The following RBPMS variants were observed in gnomAD, a reference collection of about 807,000 sequenced individuals.
RBPMS encodes RNA-binding protein with multiple splicing.
A neutral mutation model predicts 26.8 loss-of-function variants in RBPMS; 7 were observed. That is an observed-to-expected ratio of 0.26 (90% CI 0.15 to 0.49). RBPMS has a LOEUF of 0.49. Ranked by LOEUF, RBPMS falls within the 20% of genes least tolerant of loss-of-function variation. RBPMS has a pLI of 0.98. For synonymous variants in RBPMS, 96 were observed against 93.3 expected (o/e 1.03, Z -0.17); for missense variants, 186 against 250.0 (o/e 0.74, Z 1.73).
chr8:30,559,539 G>T (rs960663168), intron 7 of RBPMS, among the ~76,000 whole-genome samples: 1 of 151,824 alleles, frequency 6.6e-6, no homozygotes, highest in Non-Finnish European at 1.5e-5. Flanking sequence ...TTGCTTCAGA[G>T]AACTACCAAA....
rs1585886180 is a variant in RBPMS at position 30,558,953 on chromosome 8, C to G, written c.*4C>G. 1 of 1,613,522 alleles carries G rather than the reference C, an allele frequency of 6.2e-7. No individual in the cohort carries two copies. The highest frequency in any genetic ancestry group is 2.2e-5 in the East Asian group (1 of 44,884). ...GAAGTCCCGTCAGTTCTGCTGAATA[C>G]TATGTAAGTACTCGCTTTCCTTTGG... On this transcript the variant is annotated 3_prime_UTR_variant, in exon 7 of 9. Coordinates refer to ENST00000397323, the MANE Select transcript of RBPMS (RefSeq NM_001008710.3).
intron 5 of RBPMS, among the ~76,000 whole-genome samples, chr8:30,506,157 T>C: frequency 6.6e-6 from 1 of 152,064 alleles, no homozygotes; most frequent in Middle Eastern, 3.2e-3. Context: ...AGGAACAAAC[T>C]GGACATTCAC....
At chr8:30,506,479 C>G (rs1821082467) in intron 5 of RBPMS, among the ~76,000 whole-genome samples, 2 of 152,128 alleles carry the variant, frequency 1.3e-5, no homozygotes, top group African/African-American at 4.8e-5. Context: ...TCAGGTCAAC[C>G]TTATTATCCA....
chr8:30,542,144 A>T (rs1242843305), intron 5 of RBPMS, among the ~76,000 whole-genome samples: 2 of 152,214 alleles, frequency 1.3e-5, no homozygotes, highest in African/African-American at 4.8e-5. Context: ...TGCCTCACTA[A>T]TACGTTACTA....
intron 1 of RBPMS, among the ~76,000 whole-genome samples, chr8:30,432,828 G>A (rs940404444): frequency 4.7e-5 from 7 of 147,614 alleles, no homozygotes; most frequent in Non-Finnish European, 7.4e-5. Context: ...TAAATAAAAC[G>A]ATTCCACATT....
intron 1 of RBPMS, among the ~76,000 whole-genome samples, chr8:30,439,434 A>G (rs932276795): frequency 6.6e-6 from 1 of 152,246 alleles, no homozygotes; most frequent in Non-Finnish European, 1.5e-5. Context: ...TTCATGATTT[A>G]CAAGGAAACC....
chr8:30,418,175 T>C (rs1013082349), intron 1 of RBPMS, among the ~76,000 whole-genome samples: 2 of 152,240 alleles, frequency 1.3e-5, no homozygotes, highest in African/African-American at 4.8e-5. Context: ...AATTGCTCTC[T>C]ACAATTACAT....
intron 1 of RBPMS, among the ~76,000 whole-genome samples, chr8:30,427,476 T>A (rs911813202): frequency 1.3e-5 from 2 of 152,208 alleles, no homozygotes; most frequent in Admixed American, 6.5e-5. Flanking sequence ...TGGAATGCCC[T>A]TCCATTCTTC....
intron 1 of RBPMS, among the ~76,000 whole-genome samples, chr8:30,410,879 G>A (rs576617152): frequency 3.3e-5 from 5 of 152,030 alleles, no homozygotes; most frequent in South Asian, 4.2e-4. Flanking sequence ...AGGACTGCAC[G>A]TGCACACAGC....
intron 5 of RBPMS, among the ~76,000 whole-genome samples, chr8:30,521,746 C>A (rs1024688959): frequency 2.0e-5 from 3 of 152,088 alleles, no homozygotes; most frequent in Non-Finnish European, 4.4e-5. Context: ...CATGTATACA[C>A]CACATTTTCA....
At chr8:30,564,970 C>T (rs182380731) in intron 7 of RBPMS, 10 of 148,350 alleles carry the variant, frequency 6.7e-5, no homozygotes, top group African/African-American at 2.6e-4. Context: ...TAGCTGAAGC[C>T]CAGAGGCTTC....
chr8:30,509,130 C>T (rs1488237280), intron 5 of RBPMS, among the ~76,000 whole-genome samples: 3 of 152,126 alleles, frequency 2.0e-5, no homozygotes, highest in Non-Finnish European at 4.4e-5. Context: ...CTTTTAAAAG[C>T]TCTTTGGGTA....
At chr8:30,412,055 G>C (rs181382962) in intron 1 of RBPMS, among the ~76,000 whole-genome samples, 2 of 152,118 alleles carry the variant, frequency 1.3e-5, no homozygotes, top group East Asian at 3.9e-4. Flanking sequence ...TCCCATAGTA[G>C]GCAAGTGTTT....
At chr8:30,465,168 C>T (rs1010130364) in intron 1 of RBPMS, among the ~76,000 whole-genome samples, 2 of 152,198 alleles carry the variant, frequency 1.3e-5, no homozygotes, top group South Asian at 4.1e-4. Context: ...AAGGATTTGA[C>T]AACCATGTTT....
intron 1 of RBPMS, among the ~76,000 whole-genome samples, chr8:30,442,396 A>T (rs1813190607): frequency 6.6e-6 from 1 of 152,052 alleles, no homozygotes; most frequent in Non-Finnish European, 1.5e-5. Flanking sequence ...AGGATCCTGG[A>T]GCCTTGCAGG....
chr8:30,483,694 C>A (rs1337687841), intron 4 of RBPMS, among the ~76,000 whole-genome samples: 1 of 151,900 alleles, frequency 6.6e-6, no homozygotes, highest in East Asian at 1.9e-4. Flanking sequence ...GCAATCATTA[C>A]CACTATTTCC....
At chr8:30,558,374 C>A (rs1403238207) in intron 6 of RBPMS, 3 of 186,084 alleles carry the variant, frequency 1.6e-5, no homozygotes, top group African/African-American at 2.3e-5. Context: ...GTACCAGACA[C>A]ACACAGTGCC....
At chr8:30,547,221 C>A in intron 6 of RBPMS, 2 of 1,008,918 alleles carry the variant, frequency 2.0e-6, no homozygotes, top group Non-Finnish European at 3.0e-6. Context: ...TTTGGAGAGG[C>A]TTTAAATAAT....
At chr8:30,393,213 A>G (rs1807995454) in intron 1 of RBPMS, among the ~76,000 whole-genome samples, 1 of 152,180 alleles carries the variant, frequency 6.6e-6, no homozygotes, top group Non-Finnish European at 1.5e-5. Flanking sequence ...GAGCTTAGAA[A>G]AATCTGATAT....
Sources: allele counts gnomAD v4.1 joint callset (sites outside exome capture counted in the v4.1 genomes callset), GRCh38; gene constraint gnomAD v4.1.1; transcripts MANE v1.5; gene names NCBI Gene and HGNC (gene_info 2026-07-23, HGNC 2026-07-21).